The following ARNT2 variants were observed in gnomAD, a reference collection of about 807,000 sequenced individuals.
The protein encoded by ARNT2 is aryl hydrocarbon receptor nuclear translocator 2.
ARNT2 carries 36 observed loss-of-function variants against 91.7 expected under a neutral mutation model. The ratio of observed to expected loss-of-function variants is 0.39; its 90% confidence interval spans 0.30 to 0.52. The LOEUF is 0.52. ARNT2 is among the 20% of genes least tolerant of loss of function. ARNT2 has a pLI of 0.72. For synonymous variants in ARNT2, 365 were observed against 347.1 expected (o/e 1.05, Z -0.57); for missense variants, 775 against 939.3 (o/e 0.83, Z 2.29).
chr15:80,583,115 G>C (rs1898829444), intron 17 of ARNT2, among the ~76,000 whole-genome samples: 1 of 152,224 alleles, frequency 6.6e-6, no homozygotes, highest in African/African-American at 2.4e-5. Flanking sequence ...CCAGAGACTG[G>C]GTCAGGGGAG....
At position 80,513,965 on chromosome 15, in the gene ARNT2, G is replaced by GA. The variant is rs1211351608; in HGVS notation, c.784dup (p.Arg262LysfsTer37). On this transcript the variant is annotated frameshift_variant, in exon 7 of 19. Transcript: ENST00000303329. LOFTEE classifies it high-confidence loss of function. ...CTCTAAACAGAATAACCACCATGAG[G>GA]AAAAGGTTCAGGTCAGTATCTCTTC... 20 of 1,613,090 alleles carry GA rather than the reference G, an allele frequency of 1.2e-5. No homozygotes were observed. Among genetic ancestry groups the GA allele is most frequent in the Non-Finnish European group, 1.6e-5 (19 of 1,179,240 alleles).
chr15:80,532,024 A>G (rs752089377), intron 8 of ARNT2, among the ~76,000 whole-genome samples: 1 of 152,206 alleles, frequency 6.6e-6, no homozygotes, highest in African/African-American at 2.4e-5. Flanking sequence ...GGATGGCCTT[A>G]TCAGCTTCAC....
intron 1 of ARNT2, among the ~76,000 whole-genome samples, chr15:80,410,942 A>G (rs1469810867): frequency 6.6e-6 from 1 of 151,980 alleles, no homozygotes; most frequent in East Asian, 1.9e-4. Flanking sequence ...AATGAAGAAA[A>G]GTTATTTCTC....
chr15:80,450,649 T>G (rs1407129309), intron 1 of ARNT2, among the ~76,000 whole-genome samples: 1 of 152,194 alleles, frequency 6.6e-6, no homozygotes. Flanking sequence ...GTTAAACTGT[T>G]TAACCACTGT....
At chr15:80,535,493 T>G (rs2141445221) in intron 8 of ARNT2, among the ~76,000 whole-genome samples, 1 of 152,350 alleles carries the variant, frequency 6.6e-6, no homozygotes, top group Non-Finnish European at 1.5e-5. Context: ...ATTTTCTTCA[T>G]TAGTGAAATT....
chr15:80,550,742 G>A (rs1324661712), intron 8 of ARNT2, among the ~76,000 whole-genome samples: 1 of 152,232 alleles, frequency 6.6e-6, no homozygotes, highest in East Asian at 1.9e-4. Context: ...AACACTGGTT[G>A]TGCTCCCTTG....
intron 5 of ARNT2, among the ~76,000 whole-genome samples, chr15:80,506,158 G>A (rs916292365): frequency 6.6e-6 from 1 of 151,784 alleles, no homozygotes; most frequent in African/African-American, 2.4e-5. Context: ...GGATGGTCTC[G>A]ATCTCCTGAC....
Position 80,552,770 on chromosome 15 carries a change from C to T in ARNT2, c.1085C>T (p.Pro362Leu), listed in dbSNP as rs1898105074. 6.2e-7 allele frequency: 1 copy of T among 1,613,766 alleles called. No homozygotes were observed. The highest frequency in any genetic ancestry group is 8.5e-7 in the Non-Finnish European group (1 of 1,179,812). ...PRCISVIGYQ[P>L]QDLLGKDILE... ...TGTATCAGTGTGATTGGCTACCAACCCCAGGTGAGTAGATAGTTTTGAGCC... is the reference window on the plus strand; with the variant it reads ...TGTATCAGTGTGATTGGCTACCAACTCCAGGTGAGTAGATAGTTTTGAGCC... The change falls in exon 10 of 19, where the codon CCC becomes CTC. Residue 362 changes from proline to leucine, a missense_variant. Pro to Leu is a moderately conservative substitution (Grantham distance 98, BLOSUM62 -3). Transcript: ENST00000303329.
chr15:80,574,838 G>C, intron 13 of ARNT2, 149 bp from the exon 14 acceptor site: 1 of 1,026,788 alleles, frequency 9.7e-7, no homozygotes, highest in Non-Finnish European at 1.4e-6. Flanking sequence ...ATATAGAAAA[G>C]CTTCCCACCC....
At chr15:80,439,992 T>C (rs1331782377) in intron 1 of ARNT2, among the ~76,000 whole-genome samples, 1 of 152,198 alleles carries the variant, frequency 6.6e-6, no homozygotes, top group Non-Finnish European at 1.5e-5. Flanking sequence ...ACCCATGCCT[T>C]GCACTTTCTC....
chr15:80,441,482 C>G (rs908255477), intron 1 of ARNT2: 31 of 779,038 alleles, frequency 4.0e-5, no homozygotes, highest in Non-Finnish European at 4.7e-5. Context: ...GCCCTCACCC[C>G]CCTCCCAGCC....
At chr15:80,552,796 T>C (rs3924893) in intron 10 of ARNT2, 22 bp downstream of exon 10, 604,119 of 1,604,416 alleles carry the variant, frequency 0.38, 118,813 homozygotes, top group African/African-American at 0.62. Context: ...GTTTTGAGCC[T>C]ATGGCAATTG....
chr15:80,559,530 G>A (rs1334897833), intron 11 of ARNT2, among the ~76,000 whole-genome samples: 1 of 152,234 alleles, frequency 6.6e-6, no homozygotes, highest in Non-Finnish European at 1.5e-5. Context: ...CGTCAGCTAA[G>A]AGCCAGCTCT....
rs7178743 is a variant in ARNT2 at position 80,594,431 on chromosome 15, T to A, written c.*733T>A. On this transcript the variant is annotated 3_prime_UTR_variant, in exon 19 of 19. Transcript: ENST00000303329. ...CAGCACCACCGGCCATGACCAGAGGTTGCTCGGCCCAGGGTCTGGGAGCTG... is the reference window on the plus strand; with the variant it reads ...CAGCACCACCGGCCATGACCAGAGGATGCTCGGCCCAGGGTCTGGGAGCTG... 0.25 allele frequency: 37,540 copies of A among 152,158 alleles called. 5,476 individuals are homozygous for A. Among genetic ancestry groups the A allele is most frequent in the African/African-American group, 0.4 (16,748 of 41,444 alleles). 9.4% of individuals were successfully genotyped at this position (152,158 alleles called of 1,614,324 possible).
chr15:80,468,889 C>T (rs1369185863), intron 3 of ARNT2, among the ~76,000 whole-genome samples: 4 of 152,208 alleles, frequency 2.6e-5, no homozygotes, highest in African/African-American at 9.6e-5. Context: ...TCTCACTTCC[C>T]CTCGGTCTGT....
chr15:80,436,447 A>G (rs901545926), intron 1 of ARNT2: 2 of 154,428 alleles, frequency 1.3e-5, no homozygotes, highest in African/African-American at 4.8e-5. Context: ...TTCCTTCACT[A>G]CATCCATCCA....
At chr15:80,508,680 G>A (rs1342044670) in intron 6 of ARNT2, among the ~76,000 whole-genome samples, 1 of 152,164 alleles carries the variant, frequency 6.6e-6, no homozygotes, top group African/African-American at 2.4e-5. Flanking sequence ...TGATATTGTT[G>A]ATTGATATGT....
intron 3 of ARNT2, among the ~76,000 whole-genome samples, chr15:80,459,259 G>A (rs997016589): frequency 6.6e-6 from 1 of 152,300 alleles, no homozygotes; most frequent in South Asian, 2.1e-4. Flanking sequence ...TTGGAGTTTC[G>A]AATCAAAACA....
At chr15:80,445,519 GTGA>G (rs1025559318) in intron 1 of ARNT2, among the ~76,000 whole-genome samples, 4 of 151,556 alleles carry the variant, frequency 2.6e-5, no homozygotes, top group African/African-American at 4.8e-5. Context: ...GTGTGTTGAT[GTGA>G]TGATGTGTGT....
Sources: allele counts gnomAD v4.1 joint callset (sites outside exome capture counted in the v4.1 genomes callset), GRCh38; gene constraint gnomAD v4.1.1; transcripts MANE v1.5; gene names NCBI Gene and HGNC (gene_info 2026-07-23, HGNC 2026-07-21).